Variants in PARL observed in about 807,000 individuals in gnomAD.
PARL encodes the protein presenilin associated rhomboid like.
In PARL, 44 loss-of-function variants were observed where a neutral mutation model predicts 51.6. That is an observed-to-expected ratio of 0.85 (90% confidence interval 0.67 to 1.10). The LOEUF (loss-of-function observed/expected upper bound fraction) is 1.10, where lower values mean the gene tolerates loss of function less well. Ranked by LOEUF, PARL falls within the 50% of genes least tolerant of loss-of-function variation. PARL has a pLI of 0.00. For missense variants in PARL, 441 were observed against 469.5 expected (o/e 0.94, Z 0.56); for synonymous variants, 172 against 164.0 (o/e 1.05, Z -0.37).
intron 7 of PARL, among the ~76,000 whole-genome samples, chr3:183,839,804 C>T (rs903623041): frequency 6.6e-6 from 1 of 152,144 alleles, no homozygotes; most frequent in Non-Finnish European, 1.5e-5. Flanking sequence ...ACAATCACAG[C>T]TCACCGCAGC....
At chr3:183,837,271 G>A (rs533564064) in intron 7 of PARL, among the ~76,000 whole-genome samples, 1 of 151,752 alleles carries the variant, frequency 6.6e-6, no homozygotes, top group South Asian at 2.1e-4. Flanking sequence ...TTGTGGTGGT[G>A]AGTTCCCTGG....
At chr3:183,882,243 A>ATATATT (rs1553906075) in intron 1 of PARL, among the ~76,000 whole-genome samples, 1 of 22,316 alleles carries the variant, frequency 4.5e-5, no homozygotes, top group African/African-American at 1.6e-4. Flanking sequence ...ATATATATAT[A>ATATATT]TTTATATATA....
Position 183,866,612 on chromosome 3 carries a change from T to G in PARL, c.462+13A>C. On this transcript the variant is annotated intron_variant, in intron 3 of 9. Coordinates refer to ENST00000317096, the MANE Select transcript of PARL (RefSeq NM_018622.7). ...TGATTAACTAGAAGAAAGAAAGCAGTGTTTATCTTTACCTCCTTTCTGAAG... is the reference window on the plus strand; with the variant it reads ...TGATTAACTAGAAGAAAGAAAGCAGGGTTTATCTTTACCTCCTTTCTGAAG... The G allele has an allele frequency of 6.2e-7, 1 of 1,607,830 alleles. No individual in the cohort carries two copies. The highest frequency in any genetic ancestry group is 8.5e-7 in the Non-Finnish European group (1 of 1,176,274).
At position 183,844,130 on chromosome 3, in the gene PARL, T is replaced by C. The variant is rs545898051; in HGVS notation, c.607+101A>G. 217 of 837,654 alleles carry C rather than the reference T, an allele frequency of 2.6e-4. No individual in the cohort carries two copies. In the African/African-American group the frequency reaches 3.1e-3, roughly 12 times the overall value. The allele number at this position is 837,654 out of a possible 1,614,324, so 51.9% of individuals were successfully genotyped here. A position where few individuals can be genotyped will look rare whatever the true frequency, so the allele number is the denominator to read the frequency against. On this transcript the variant is annotated intron_variant, in intron 5 of 9. Transcript: ENST00000317096. The stretch of plus-strand genomic sequence containing the variant: ...ATCCTCTGCATTTTGCTTGTAGCTA[T>C]TGATAGGTAATTCGTCTTTTTTACA...
intron 1 of PARL, among the ~76,000 whole-genome samples, chr3:183,881,924 T>C (rs1052824060): frequency 5.3e-5 from 8 of 151,968 alleles, no homozygotes; most frequent in African/African-American, 1.9e-4. Context: ...ATTTTGAGGC[T>C]AGGCATGGTG....
intron 3 of PARL, among the ~76,000 whole-genome samples, chr3:183,864,731 G>A (rs1007386613): frequency 2.0e-5 from 3 of 151,070 alleles, no homozygotes; most frequent in Non-Finnish European, 4.4e-5. Flanking sequence ...AGCAGAGATC[G>A]CGCCACTGCA....
intron 1 of PARL, among the ~76,000 whole-genome samples, chr3:183,876,574 A>G (rs1163693581): frequency 6.9e-6 from 1 of 144,380 alleles, no homozygotes; most frequent in African/African-American, 2.5e-5. Flanking sequence ...TAAGAAATAT[A>G]TTTTCTTTTT....
chr3:183,838,231 T>C (rs951105836), intron 7 of PARL, among the ~76,000 whole-genome samples: 1 of 152,066 alleles, frequency 6.6e-6, no homozygotes, highest in Non-Finnish European at 1.5e-5. Flanking sequence ...CTCACTTTGT[T>C]GCCCAGGCTA....
intron 1 of PARL, among the ~76,000 whole-genome samples, chr3:183,884,443 G>A (rs1453645697): frequency 6.6e-6 from 1 of 152,194 alleles, no homozygotes; most frequent in East Asian, 1.9e-4. Flanking sequence ...TCGCGATTAT[G>A]AAGTGTGGCA....
intron 1 of PARL, among the ~76,000 whole-genome samples, chr3:183,874,779 G>T (rs6776999): frequency 0.59 from 89,598 of 152,060 alleles, 26,822 homozygotes; most frequent in Middle Eastern, 0.7. Context: ...TAAATACAAA[G>T]AAACAATTCT....
intron 4 of PARL, among the ~76,000 whole-genome samples, chr3:183,853,857 A>C (rs1287173515): frequency 1.3e-5 from 2 of 152,212 alleles, no homozygotes; most frequent in Non-Finnish European, 2.9e-5. Flanking sequence ...AAAATGGTAC[A>C]ACCGCCATGG....
intron 1 of PARL, among the ~76,000 whole-genome samples, chr3:183,869,639 T>G (rs980084734): frequency 1.3e-5 from 2 of 152,100 alleles, no homozygotes; most frequent in Non-Finnish European, 2.9e-5. Context: ...AGGAATATCA[T>G]AACATATTAT....
At chr3:183,858,135 C>T (rs1043217951) in intron 4 of PARL, among the ~76,000 whole-genome samples, 1 of 152,090 alleles carries the variant, frequency 6.6e-6, no homozygotes, top group South Asian at 2.1e-4. Flanking sequence ...TATTCTTCTA[C>T]AAAAATAACT....
At position 183,837,815 on chromosome 3, in the gene PARL, T is replaced by C. The variant is rs566924148; in HGVS notation, c.828+2755A>G. On this transcript the variant is annotated intron_variant, in intron 7 of 9. Transcript: ENST00000317096. The stretch of plus-strand genomic sequence containing the variant: ...AGAACCAGAAAAATCTCAACTTGAA[T>C]AAGAAAAGACAATTGGCCGGGTGTA... 1.2e-4 allele frequency among the ~76,000 whole-genome samples: 18 copies of C among 152,232 alleles called. No individual in the cohort carries two copies. In the South Asian group the frequency reaches 2.1e-3, roughly 18 times the overall value.
At chr3:183,876,625 A>C (rs1251518409) in intron 1 of PARL, among the ~76,000 whole-genome samples, 1 of 121,622 alleles carries the variant, frequency 8.2e-6, no homozygotes, top group Non-Finnish European at 1.7e-5. Context: ...AAAAAAAAAA[A>C]AAAAAAAAAA....
Position 183,862,772 on chromosome 3 carries a change from A to T in PARL, c.492T>A (p.Asp164Glu). The T allele has an allele frequency of 6.2e-7, 1 of 1,613,726 alleles. No individual in the cohort carries two copies. The highest frequency in any genetic ancestry group is 1.3e-5 in the African/African-American group (1 of 75,058). ...EINKWWNNLS[D>E]GQRTVTGIIA... ...ACAAACCTGTCACAGTCCGCTGGCC[A>T]TCACTTAGGTTATTCCACCACTTGT... Residue 164 changes from aspartate (D) to glutamate (E), a missense_variant, in exon 4 of 10, where the codon GAT (aspartate) becomes GAA (glutamate). By Grantham distance (45) the Asp-to-Glu change is conservative (BLOSUM62 2). Coordinates refer to ENST00000317096, the MANE Select transcript of PARL (RefSeq NM_018622.7).
At chr3:183,848,812 G>C (rs1730248656) in intron 4 of PARL, among the ~76,000 whole-genome samples, 1 of 152,194 alleles carries the variant, frequency 6.6e-6, no homozygotes, top group African/African-American at 2.4e-5. Context: ...GGGCAAATAA[G>C]AGACTAATCA....
chr3:183,866,689 T>A lies in PARL; in HGVS notation c.398A>T (p.Asp133Val). Residue 133 changes from aspartate (D) to valine (V), a missense_variant, in exon 3 of 10, where the codon GAT (aspartate) becomes GTT (valine). By Grantham distance (152) the Asp-to-Val change is radical. Transcript: ENST00000317096. ...ATCCAACCAATCAGCTTTTATACCA[T>A]CAAAATAACTCTGGACCCTGGATTT... is the stretch of plus-strand genomic sequence containing the variant. ...SLKSRVQSYF[D>V]GIKADWLDSI... 1 of 1,612,080 alleles carries A rather than the reference T, an allele frequency of 6.2e-7. No individual in the cohort carries two copies. Among genetic ancestry groups the A allele is most frequent in the Non-Finnish European group, 8.5e-7 (1 of 1,178,646 alleles).
At chr3:183,867,347 T>C (rs568815776) in intron 2 of PARL, among the ~76,000 whole-genome samples, 12 of 152,278 alleles carry the variant, frequency 7.9e-5, no homozygotes, top group African/African-American at 2.9e-4. Context: ...AAGGCCCATA[T>C]GTTTATTCTC....
Sources: gnomAD v4.1 joint callset for allele counts (sites outside exome capture counted in the v4.1 genomes callset) on GRCh38, gnomAD v4.1.1 for gene constraint, MANE v1.5 for transcripts, NCBI Gene and HGNC (gene_info 2026-07-23, HGNC 2026-07-21) for gene names.